Variants in PTCHD4 observed in about 807,000 individuals in gnomAD.
PTCHD4 encodes the protein patched domain-containing protein 4.
Under a neutral mutation model 58.1 loss-of-function variants are expected in PTCHD4, and 33 were observed. That is an observed-to-expected ratio of 0.57 (90% CI 0.43 to 0.76). PTCHD4 has a LOEUF of 0.76. Among genes scored for constraint, PTCHD4 ranks in the 30% least tolerant of loss-of-function variants. The pLI, the probability that PTCHD4 is intolerant of heterozygous loss-of-function variation, is 0.00. For missense variants in PTCHD4, 1,058 were observed against 1,027.1 expected, an observed-to-expected ratio of 1.03 and a Z score of -0.41; for synonymous variants, 478 against 409.6, an observed-to-expected ratio of 1.17 and a Z score of -2.02.
rs1295459132 is a variant in PTCHD4, at chr6:48,069,833, T to C, written c.-876A>G. The stretch of plus-strand genomic sequence containing the variant: ...AGTGTCTCCTTCCACCCCTCACCCA[T>C]GAGGACTGTTTCAAGCCATCTGGTT... On this transcript the variant is annotated 5_prime_UTR_variant, in exon 2 of 5. An upstream start codon of the reference 5' UTR is lost. Coordinates refer to ENST00000339488, the MANE Select transcript of PTCHD4 (RefSeq NM_001384253.1). Among the ~76,000 whole-genome samples the C allele has an allele frequency of 6.6e-6, 1 of 152,056 alleles. No homozygotes were observed. The highest frequency in any genetic ancestry group is 2.4e-5 in the African/African-American group (1 of 41,410).
intron 4 of PTCHD4, among the ~76,000 whole-genome samples, chr6:47,977,760 C>A (rs970870770): frequency 6.6e-6 from 1 of 152,114 alleles, no homozygotes; most frequent in Non-Finnish European, 1.5e-5. Flanking sequence ...TGACATTTTT[C>A]AACTTTGTTT....
intron 1 of PTCHD4, among the ~76,000 whole-genome samples, chr6:48,071,555 GA>G (rs1562039600): frequency 1.3e-5 from 2 of 152,190 alleles, no homozygotes; most frequent in East Asian, 3.9e-4. Flanking sequence ...TAAATGAAAG[GA>G]AATTGGCAGA....
At chr6:48,023,430 C>T (rs1432413723) in intron 3 of PTCHD4, among the ~76,000 whole-genome samples, 2 of 152,130 alleles carry the variant, frequency 1.3e-5, no homozygotes, top group Non-Finnish European at 2.9e-5. Context: ...GCAGTCATCA[C>T]TTGTGAGTCT....
At chr6:48,072,196 C>A (rs760432878) in intron 1 of PTCHD4, among the ~76,000 whole-genome samples, 1 of 152,020 alleles carries the variant, frequency 6.6e-6, no homozygotes, top group African/African-American at 2.4e-5. Context: ...GGTTGGAGTC[C>A]GTAATTTGCA....
intron 4 of PTCHD4, chr6:47,900,429 T>C (rs1323879262): frequency 2.0e-5 from 3 of 152,228 alleles, no homozygotes; most frequent in Non-Finnish European, 4.4e-5. Flanking sequence ...TTAGAATAAA[T>C]GTCTATTCGA....
At chr6:47,900,563 AGTTT>A (rs943596762) in intron 4 of PTCHD4, 16 of 152,020 alleles carry the variant, frequency 1.1e-4, no homozygotes, top group African/African-American at 3.6e-4. Flanking sequence ...CCATTCTGTG[AGTTT>A]GTTTTTCACT....
At chr6:47,975,011 CAAACA>C (rs749079590) in intron 4 of PTCHD4, among the ~76,000 whole-genome samples, 13 of 152,078 alleles carry the variant, frequency 8.5e-5, no homozygotes, top group Admixed American at 7.9e-4. Context: ...AACAAACAAA[CAAACA>C]AAACAAAACA....
In PTCHD4 at chr6:47,858,106, T is replaced by C. The variant is rs192908285; in HGVS notation, c.*20197A>G. 1.2e-4 allele frequency among the ~76,000 whole-genome samples: 18 copies of C among 152,130 alleles called. No homozygotes were observed. In the East Asian group the frequency reaches 3.5e-3, roughly 30 times the overall value. On this transcript the variant is annotated 3_prime_UTR_variant, in exon 5 of 5. Coordinates refer to ENST00000339488, the MANE Select transcript of PTCHD4 (RefSeq NM_001384253.1). ...TTTGAGTGTTGTCCATGTACTTCCTTGTTGTACATTCCCTGGAAAGTGTTT... is the reference window on the plus strand; with the variant it reads ...TTTGAGTGTTGTCCATGTACTTCCTCGTTGTACATTCCCTGGAAAGTGTTT...
At chr6:47,957,806 G>A (rs932875910) in intron 4 of PTCHD4, among the ~76,000 whole-genome samples, 145 of 151,666 alleles carry the variant, frequency 9.6e-4, no homozygotes, top group African/African-American at 3.4e-3. Context: ...GGGTTTCATC[G>A]TGTTAGCCAG....
intron 4 of PTCHD4, among the ~76,000 whole-genome samples, chr6:47,922,037 C>A (rs1384973747): frequency 6.6e-6 from 1 of 151,452 alleles, no homozygotes; most frequent in Admixed American, 6.6e-5. Flanking sequence ...ACTTGGGAGG[C>A]TGAGGTGGGA....
At chr6:47,889,795 C>G (rs1015539398) in intron 4 of PTCHD4, among the ~76,000 whole-genome samples, 19 of 150,708 alleles carry the variant, frequency 1.3e-4, no homozygotes, top group Non-Finnish European at 1.9e-4. Flanking sequence ...TAGGCATGGG[C>G]AAGGACTTCA....
intron 3 of PTCHD4, among the ~76,000 whole-genome samples, chr6:48,013,804 A>G (rs1762777041): frequency 6.6e-6 from 1 of 152,140 alleles, no homozygotes; most frequent in Non-Finnish European, 1.5e-5. Flanking sequence ...GTCTTTACTT[A>G]TTTATGTCAT....
At chr6:47,919,060 T>A (rs1306806266) in intron 4 of PTCHD4, among the ~76,000 whole-genome samples, 1 of 152,142 alleles carries the variant, frequency 6.6e-6, no homozygotes, top group African/African-American at 2.4e-5. Flanking sequence ...GAAGACAGTA[T>A]AACAGCCCTG....
rs1763687994 is a variant in PTCHD4, at chr6:48,037,660, C to G, written c.418-28546G>C. On this transcript the variant is annotated intron_variant, in intron 3 of 4. Transcript: ENST00000339488. Reference sequence around the variant, plus strand: ...TAACTCATAACAGAAAAAGAAAGATCAAAGATTTGAAAAGTCTCAAAAACA... The same window carrying G: ...TAACTCATAACAGAAAAAGAAAGATGAAAGATTTGAAAAGTCTCAAAAACA... Among the ~76,000 whole-genome samples, 2 of 151,844 alleles carry G rather than the reference C, an allele frequency of 1.3e-5. 1 individual carries two copies. Among genetic ancestry groups the G allele is most frequent in the South Asian group, 4.2e-4 (2 of 4,816 alleles).
At chr6:48,028,532 A>G (rs1220607773) in intron 3 of PTCHD4, among the ~76,000 whole-genome samples, 1 of 152,166 alleles carries the variant, frequency 6.6e-6, no homozygotes, top group Non-Finnish European at 1.5e-5. Flanking sequence ...GACAATATCA[A>G]AAGTGCACTG....
At chr6:47,963,108 G>A (rs113598405) in intron 4 of PTCHD4, among the ~76,000 whole-genome samples, 3 of 151,540 alleles carry the variant, frequency 2.0e-5, no homozygotes, top group East Asian at 1.9e-4. Context: ...TAGCCTGAGC[G>A]ACAGAGCAAG....
chr6:48,108,181 G>A (rs1374284443), intron 1 of PTCHD4, among the ~76,000 whole-genome samples: 4 of 152,144 alleles, frequency 2.6e-5, no homozygotes, highest in Non-Finnish European at 5.9e-5. Flanking sequence ...ATTCACAATA[G>A]CAAAGACTTG....
At chr6:47,936,893 C>T (rs1172894819) in intron 4 of PTCHD4, among the ~76,000 whole-genome samples, 1 of 152,088 alleles carries the variant, frequency 6.6e-6, no homozygotes, top group South Asian at 2.1e-4. Context: ...CAGTCTTAAC[C>T]TAGAGGTGGT....
chr6:47,879,089 G>A lies in PTCHD4; in HGVS notation c.1746C>T (p.Phe582=). The part of the protein sequence containing the change: ...LQSSFLKKPE[F]QHFRNDIIFS... ...AGATGATATCATTTCGAAAATGCTG[G>A]AATTCTGGCTTTTTTAAAAATGAGC... is the stretch of plus-strand genomic sequence containing the variant. The change falls in exon 5 of 5, where the codon TTC becomes TTT. Residue 582 remains phenylalanine (F), a synonymous_variant. Coordinates refer to ENST00000339488, the MANE Select transcript of PTCHD4 (RefSeq NM_001384253.1). 1.2e-6 allele frequency: 2 copies of A among 1,613,200 alleles called. No homozygotes were observed. Among genetic ancestry groups the A allele is most frequent in the Middle Eastern group, 1.7e-4 (1 of 6,054 alleles).
Sources: gnomAD v4.1 joint callset for allele counts (sites outside exome capture counted in the v4.1 genomes callset) on GRCh38, gnomAD v4.1.1 for gene constraint, MANE v1.5 for transcripts, NCBI Gene and HGNC (gene_info 2026-07-23, HGNC 2026-07-21) for gene names.